BIRC6: variants seen among roughly 807,000 people sequenced by gnomAD.
The protein encoded by BIRC6 is dual E2 ubiquitin-conjugating enzyme/E3 ubiquitin-protein ligase BIRC6.
BIRC6 carries 98 observed loss-of-function variants against 503.3 expected under a neutral mutation model. The observed-to-expected ratio is 0.19, with a 90% confidence interval of 0.17 to 0.23. BIRC6 has a LOEUF of 0.23. Among genes scored for constraint, BIRC6 ranks in the 10% least tolerant of loss-of-function variants. BIRC6 has a pLI of 1.00. For missense variants in BIRC6, 5,360 were observed against 5,806.0 expected (o/e 0.92, Z 2.50); for synonymous variants, 2,240 against 2,078.7 (o/e 1.08, Z -2.11).
At chr2:32,465,869 T>C (rs1425695348) in intron 26 of BIRC6, among the ~76,000 whole-genome samples, 1 of 151,982 alleles carries the variant, frequency 6.6e-6, no homozygotes, top group Non-Finnish European at 1.5e-5. Flanking sequence ...TTCCTCTTTG[T>C]AAGAGGGAGT....
rs141150192 is a variant in BIRC6 at position 32,603,879 on chromosome 2, G to GTA, written c.14070+806_14070+807dup. 5.5e-4 allele frequency among the ~76,000 whole-genome samples: 83 copies of GTA among 151,114 alleles called. 1 individual carries two copies. Among genetic ancestry groups the GTA allele is most frequent in the Middle Eastern group, 3.5e-3 (1 of 284 alleles). Reference sequence around the variant, plus strand: ...TATTATTACATCAATATAAATATATGTATATATATATCATATATACTGTAT... The same window carrying GTA: ...TATTATTACATCAATATAAATATATGTATATATATATATCATATATACTGTAT... On this transcript the variant is annotated intron_variant, in intron 71 of 73. Transcript: ENST00000421745.
chr2:32,429,023 A>G (rs892150355), intron 10 of BIRC6, 123 bp from the exon 11 acceptor site: 1 of 829,518 alleles, frequency 1.2e-6, no homozygotes, highest in Non-Finnish European at 1.7e-6. Flanking sequence ...GAAATACATC[A>G]CATTGGTAGC....
At chr2:32,552,543 G>A (rs990319219) in intron 65 of BIRC6, among the ~76,000 whole-genome samples, 2 of 152,144 alleles carry the variant, frequency 1.3e-5, no homozygotes, top group African/African-American at 4.8e-5. Flanking sequence ...AATAGAGGGA[G>A]CATATAAGCT....
chr2:32,552,463 A>G (rs984198731), intron 65 of BIRC6, among the ~76,000 whole-genome samples: 1 of 152,228 alleles, frequency 6.6e-6, no homozygotes, highest in Non-Finnish European at 1.5e-5. Context: ...ATTGATCTTC[A>G]GTTTTAGTTC....
intron 45 of BIRC6, among the ~76,000 whole-genome samples, chr2:32,496,116 C>A (rs1326135999): frequency 1.3e-5 from 2 of 152,124 alleles, no homozygotes; most frequent in Admixed American, 6.5e-5. Context: ...CAGGCATGAG[C>A]CACCGCACCC....
At chr2:32,446,386 G>A (rs562151286) in intron 21 of BIRC6, among the ~76,000 whole-genome samples, 1 of 152,312 alleles carries the variant, frequency 6.6e-6, no homozygotes, top group South Asian at 2.1e-4. Context: ...TTAAGCAATA[G>A]CAAAAGGTTA....
At chr2:32,524,650 A>G (rs2056097614) in intron 57 of BIRC6, 1 of 191,232 alleles carries the variant, frequency 5.2e-6, no homozygotes, top group African/African-American at 2.3e-5. Flanking sequence ...TGTATATAAT[A>G]CTTTACAGAG....
chr2:32,598,575 A>G (rs1356620299), intron 69 of BIRC6, among the ~76,000 whole-genome samples: 1 of 152,190 alleles, frequency 6.6e-6, no homozygotes, highest in East Asian at 1.9e-4. Flanking sequence ...AAATTCCAAG[A>G]GTCTGCTGCA....
intron 65 of BIRC6, chr2:32,563,267 G>C (rs1470657567): frequency 6.6e-6 from 1 of 152,094 alleles, no homozygotes; most frequent in Non-Finnish European, 1.5e-5. Flanking sequence ...TGGGTACCTG[G>C]CTATATTTTT....
At chr2:32,447,376 G>T (rs1341180667) in intron 21 of BIRC6, among the ~76,000 whole-genome samples, 3 of 146,146 alleles carry the variant, frequency 2.1e-5, no homozygotes, top group African/African-American at 5.1e-5. Flanking sequence ...CTGGCCGGGC[G>T]GGGGGCTGAT....
intron 61 of BIRC6, among the ~76,000 whole-genome samples, chr2:32,540,570 A>C (rs1252428608): frequency 6.6e-6 from 1 of 152,088 alleles, no homozygotes; most frequent in East Asian, 1.9e-4. Context: ...CAAAATGTGA[A>C]ATAATACAAG....
chr2:32,449,084 TCTTAA>T (rs1196036786), intron 22 of BIRC6, 156 bp downstream of exon 22: 3 of 627,482 alleles, frequency 4.8e-6, no homozygotes, highest in East Asian at 6.2e-5. Context: ...TCCTAGAAGT[TCTTAA>T]CTTCCTCTTT....
chr2:32,401,239 A>T lies in BIRC6; in HGVS notation c.1111A>T (p.Thr371Ser). 1 of 1,613,992 alleles carries T rather than the reference A, an allele frequency of 6.2e-7. No homozygotes were observed. The highest frequency in any genetic ancestry group is 2.2e-5 in the East Asian group (1 of 44,880). ...CACACAGAATGTGCCATTGTCAGTC[A>T]CTCTTGCAACAAGTCCTGCACAGTT... is the stretch of plus-strand genomic sequence containing the variant. ...EHTQNVPLSV[T>S]LATSPAQFPC... Residue 371 changes from threonine to serine, a missense_variant, in exon 7 of 74, where the codon ACT becomes TCT. Thr to Ser is a moderately conservative substitution (Grantham distance 58). This residue lies in a region of BIRC6 where 92 missense variants were observed against 176.7 expected (regional missense o/e 0.52). Transcript: ENST00000421745.
At chr2:32,369,766 C>T (rs2035510873) in intron 1 of BIRC6, among the ~76,000 whole-genome samples, 1 of 150,674 alleles carries the variant, frequency 6.6e-6, no homozygotes, top group Non-Finnish European at 1.5e-5. Context: ...TCTTGCCCAA[C>T]ATCAGTTGGG....
rs115175312 is a variant in BIRC6, at chr2:32,538,318, C to G, written c.12292-4923C>G. ...TTGAGAGCAGGCATGAACTAGAATG[C>G]TGAAAAAGCTGTGCAGAGATTTCAG... On this transcript the variant is annotated intron_variant, in intron 61 of 73. Transcript: ENST00000421745. Among the ~76,000 whole-genome samples, 1,323 of 152,192 alleles carry G rather than the reference C, an allele frequency of 8.7e-3. 9 individuals carry two copies. The highest frequency in any genetic ancestry group is 0.02 in the Middle Eastern group (6 of 294).
At chr2:32,365,540 C>T (rs186143429) in intron 1 of BIRC6, among the ~76,000 whole-genome samples, 154 of 152,140 alleles carry the variant, frequency 1.0e-3, no homozygotes, top group Non-Finnish European at 1.1e-3. Flanking sequence ...AGGCTGGTCT[C>T]GAACTCCTGA....
intron 5 of BIRC6, among the ~76,000 whole-genome samples, chr2:32,393,482 C>G (rs927773397): frequency 2.6e-5 from 4 of 152,160 alleles, no homozygotes; most frequent in African/African-American, 9.7e-5. Flanking sequence ...ACTTATATGT[C>G]AGTTTAAATA....
At chr2:32,476,907 G>C (rs1250481792) in intron 34 of BIRC6, among the ~76,000 whole-genome samples, 1 of 151,996 alleles carries the variant, frequency 6.6e-6, no homozygotes, top group Non-Finnish European at 1.5e-5. Context: ...AAATTTTGAG[G>C]GATACCGTGT....
chr2:32,606,524 C>T (rs759526168), intron 71 of BIRC6, among the ~76,000 whole-genome samples: 9 of 152,172 alleles, frequency 5.9e-5, no homozygotes, highest in South Asian at 2.1e-4. Flanking sequence ...ACCCAGGAGA[C>T]GGAGGTTGCA....
Sources: allele counts gnomAD v4.1 joint callset (sites outside exome capture counted in the v4.1 genomes callset), GRCh38; gene constraint gnomAD v4.1.1; regional missense constraint gnomAD v4.1.1; transcripts MANE v1.5; gene names NCBI Gene and HGNC (gene_info 2026-07-23, HGNC 2026-07-21).